The following IL1RAPL1 variants were observed in gnomAD, a reference collection of about 807,000 sequenced individuals.
The protein encoded by IL1RAPL1 is interleukin 1 receptor accessory protein like 1.
In IL1RAPL1, 3 loss-of-function variants were observed where a neutral mutation model predicts 48.4. That is an observed-to-expected ratio of 0.06 (90% CI 0.03 to 0.16). The LOEUF is 0.16. Ranked by LOEUF, IL1RAPL1 falls within the 10% of genes least tolerant of loss-of-function variation. IL1RAPL1 has a pLI of 1.00. For synonymous variants in IL1RAPL1, 185 were observed against 187.7 expected (o/e 0.99, Z 0.12); for missense variants, 349 against 530.6 (o/e 0.66, Z 3.36).
intron 1 of IL1RAPL1, among the ~76,000 whole-genome samples, chrX:28,732,367 C>T (rs146872824): frequency 0.016 from 1,790 of 111,466 alleles, 26 homozygotes; most frequent in Admixed American, 0.059. Flanking sequence ...GAAGAACAAT[C>T]GAAATTTACG....
chrX:28,709,009 C>T (rs1187285418), intron 1 of IL1RAPL1, among the ~76,000 whole-genome samples: 1 of 111,775 alleles, frequency 8.9e-6, no homozygotes, highest in Non-Finnish European at 1.9e-5. Context: ...TACCCCCATA[C>T]ATTTGTGCAA....
At chrX:29,024,453 A>C (rs758908082) in intron 2 of IL1RAPL1, among the ~76,000 whole-genome samples, 7 of 111,876 alleles carry the variant, frequency 6.3e-5, no homozygotes, top group Non-Finnish European at 1.1e-4. Context: ...TATGACTCTG[A>C]CATTTCCAGT....
At chrX:29,950,001 A>G (rs1165481404) in intron 9 of IL1RAPL1, among the ~76,000 whole-genome samples, 3 of 112,095 alleles carry the variant, frequency 2.7e-5, no homozygotes, top group Non-Finnish European at 5.6e-5. Flanking sequence ...CTAACCCATT[A>G]CTGCACTGAT....
At chrX:29,184,523 C>T (rs1930213576) in intron 2 of IL1RAPL1, among the ~76,000 whole-genome samples, 1 of 111,265 alleles carries the variant, frequency 9.0e-6, no homozygotes, top group Non-Finnish European at 1.9e-5. Flanking sequence ...TTTTTTGAGA[C>T]AGAGACTATC....
chrX:29,480,019 T>TC (rs1935022101), intron 5 of IL1RAPL1, among the ~76,000 whole-genome samples: 1 of 109,695 alleles, frequency 9.1e-6, no homozygotes, highest in African/African-American at 3.3e-5. Context: ...CTTTTTTTTT[T>TC]CCTTTGGGTA....
chrX:29,899,949 G>A (rs12835538), intron 6 of IL1RAPL1, among the ~76,000 whole-genome samples: 7,013 of 111,614 alleles, frequency 0.063, 269 homozygotes, highest in Admixed American at 0.16. Flanking sequence ...TTGAGCTTCA[G>A]TTGTTCAAAC....
In IL1RAPL1 at chrX:29,374,554, CAA is replaced by C. The variant is rs1222448273; in HGVS notation, c.363-21702_363-21701del. The stretch of plus-strand genomic sequence containing the variant: ...ACCAGCCCTGGCAGGACCTCGTTCA[CAA>C]AGACAGAGAATTAACATTTGTCGAA... On this transcript the variant is annotated intron_variant, in intron 3 of 10. Coordinates refer to ENST00000378993, the MANE Select transcript of IL1RAPL1 (RefSeq NM_014271.4). Among the ~76,000 whole-genome samples the C allele has an allele frequency of 2.7e-5, 3 of 109,744 alleles. No individual in the cohort carries two copies. In the Admixed American group the frequency reaches 3.0e-4, roughly 11 times the overall value.
chrX:29,585,383 A>G (rs1222280230), intron 5 of IL1RAPL1, among the ~76,000 whole-genome samples: 2 of 112,029 alleles, frequency 1.8e-5, no homozygotes, highest in Non-Finnish European at 3.8e-5. Context: ...CTTCTTTTTA[A>G]AAGGTGTATT....
chrX:29,803,361 A>G (rs1930133329), intron 6 of IL1RAPL1, among the ~76,000 whole-genome samples: 1 of 85,509 alleles, frequency 1.2e-5, no homozygotes, highest in South Asian at 5.7e-4. Flanking sequence ...ATACATGTAT[A>G]CACATATGTA....
At chrX:29,551,590 G>T (rs1015519255) in intron 5 of IL1RAPL1, among the ~76,000 whole-genome samples, 8 of 111,293 alleles carry the variant, frequency 7.2e-5, no homozygotes, top group Admixed American at 6.7e-4. Flanking sequence ...CATTAAAATT[G>T]TTTATATTTA....
chrX:28,702,941 AT>A (rs1935319138), intron 1 of IL1RAPL1, among the ~76,000 whole-genome samples: 1 of 110,957 alleles, frequency 9.0e-6, no homozygotes, highest in African/African-American at 3.3e-5. Context: ...AAAGCTGATT[AT>A]TTGAAGTATC....
At chrX:29,928,609 G>A (rs1257537887) in intron 8 of IL1RAPL1, among the ~76,000 whole-genome samples, 1 of 112,096 alleles carries the variant, frequency 8.9e-6, no homozygotes, top group African/African-American at 3.2e-5. Flanking sequence ...AAAGCACTGG[G>A]TTAGGCATCC....
At chrX:28,717,121 A>G (rs1935512737) in intron 1 of IL1RAPL1, among the ~76,000 whole-genome samples, 2 of 112,127 alleles carry the variant, frequency 1.8e-5, no homozygotes, top group Middle Eastern at 4.6e-3. Context: ...CAGAAATACC[A>G]TTCAATCCAG....
In IL1RAPL1 at chrX:29,921,246, T is replaced by C. The variant is rs1205443598; in HGVS notation, c.1057+1152T>C. ...ATTATGCTAAGTTAAAACTTTCTACTCTTTGGAACAAGCACACTTGATGTT... is the reference window on the plus strand; with the variant it reads ...ATTATGCTAAGTTAAAACTTTCTACCCTTTGGAACAAGCACACTTGATGTT... On this transcript the variant is annotated intron_variant, in intron 8 of 10. Transcript: ENST00000378993. Among the ~76,000 whole-genome samples, 3 of 112,523 alleles carry C rather than the reference T, an allele frequency of 2.7e-5. No individual in the cohort carries two copies. In the Admixed American group the frequency reaches 2.8e-4, roughly 11 times the overall value.
At position 29,939,861 on chromosome X, in the gene IL1RAPL1, A is replaced by ATTT. The variant is rs35163237; in HGVS notation, c.1058-1773_1058-1771dup. On this transcript the variant is annotated intron_variant, in intron 8 of 10. Coordinates refer to ENST00000378993, the MANE Select transcript of IL1RAPL1 (RefSeq NM_014271.4). Reference sequence around the variant, plus strand: ...TAGGTAATAGGAAATATGAATGAGGATTTTTTTTTTTTTTTTTTTGAGACG... The same window carrying ATTT: ...TAGGTAATAGGAAATATGAATGAGGATTTTTTTTTTTTTTTTTTTTTTGAGACG... Among the ~76,000 whole-genome samples, 119 of 90,023 alleles carry ATTT rather than the reference A, an allele frequency of 1.3e-3. 2 individuals carry two copies. The highest frequency in any genetic ancestry group is 4.7e-3 in the African/African-American group (109 of 23,154). 78.2% of individuals were successfully genotyped at this position (90,023 alleles called of 115,157 possible).
chrX:29,153,393 G>C (rs1383090056), intron 2 of IL1RAPL1, among the ~76,000 whole-genome samples: 2 of 111,383 alleles, frequency 1.8e-5, no homozygotes, highest in African/African-American at 6.5e-5. Flanking sequence ...CCATTATTCT[G>C]CCTACCACAA....
chrX:28,998,327 C>T lies in IL1RAPL1; in HGVS notation c.82+208902C>T, dbSNP rs778705604. Among the ~76,000 whole-genome samples, 6 of 111,044 alleles carry T rather than the reference C, an allele frequency of 5.4e-5. No individual in the cohort carries two copies. The South Asian group carries it at 1.1e-3, about 21-fold the overall frequency. ...TGAACTTCAACACAATTCTCAGATTCAAAAGGACTGCAAAGGAGGATTATT... is the reference window on the plus strand; with the variant it reads ...TGAACTTCAACACAATTCTCAGATTTAAAAGGACTGCAAAGGAGGATTATT... On this transcript the variant is annotated intron_variant, in intron 2 of 10. Coordinates refer to ENST00000378993, the MANE Select transcript of IL1RAPL1 (RefSeq NM_014271.4).
intron 6 of IL1RAPL1, among the ~76,000 whole-genome samples, chrX:29,802,783 G>GTATACA (rs1434808640): frequency 1.0e-4 from 2 of 19,280 alleles, no homozygotes; most frequent in African/African-American, 4.0e-4. Flanking sequence ...ATATATATAT[G>GTATACA]TGTGTGTGTA....
chrX:28,835,737 G>T (rs887494720), intron 2 of IL1RAPL1, among the ~76,000 whole-genome samples: 1 of 110,835 alleles, frequency 9.0e-6, no homozygotes, highest in Non-Finnish European at 1.9e-5. Context: ...CATGCAGTTT[G>T]GCATTACAAG....
Sources: allele counts gnomAD v4.1 joint callset (sites outside exome capture counted in the v4.1 genomes callset), GRCh38; gene constraint gnomAD v4.1.1; transcripts MANE v1.5; gene names NCBI Gene and HGNC (gene_info 2026-07-23, HGNC 2026-07-21).